The following ST3GAL1 variants were observed in gnomAD, a reference collection of about 807,000 sequenced individuals.
ST3GAL1 encodes ST3 beta-galactoside alpha-2,3-sialyltransferase 1, also known as CMP-N-acetylneuraminate-beta-galactosamide-alpha-2,3-sialyltransferase 1.
Under a neutral mutation model 34.1 loss-of-function variants are expected in ST3GAL1, and 16 were observed. The ratio of observed to expected loss-of-function variants is 0.47; its 90% confidence interval spans 0.32 to 0.71. The LOEUF (loss-of-function observed/expected upper bound fraction) is 0.71, where lower values mean the gene tolerates loss of function less well. Ranked by LOEUF, ST3GAL1 falls within the 30% of genes least tolerant of loss-of-function variation. ST3GAL1 has a pLI of 0.04. For missense variants in ST3GAL1, 353 were observed against 447.4 expected, an observed-to-expected ratio of 0.79 and a Z score of 1.90; for synonymous variants, 191 against 184.7, an observed-to-expected ratio of 1.03 and a Z score of -0.28.
chr8:133,474,858 C>A (rs753747865), intron 5 of ST3GAL1, among the ~76,000 whole-genome samples: 13 of 152,198 alleles, frequency 8.5e-5, no homozygotes, highest in Non-Finnish European at 1.3e-4. Flanking sequence ...GTCTTCAAAG[C>A]ACTTCTGTGT....
At chr8:133,549,638 T>A (rs1038206019) in intron 1 of ST3GAL1, among the ~76,000 whole-genome samples, 1 of 151,812 alleles carries the variant, frequency 6.6e-6, no homozygotes, top group East Asian at 2.0e-4. Flanking sequence ...AAATTCCAAC[T>A]GACAAGTTTG....
chr8:133,491,228 A>C (rs1816773654), intron 3 of ST3GAL1, among the ~76,000 whole-genome samples: 1 of 152,118 alleles, frequency 6.6e-6, no homozygotes, highest in African/African-American at 2.4e-5. Context: ...TAAATCCACA[A>C]ATCTTCTTAT....
At chr8:133,478,037 G>C (rs1318507024) in intron 3 of ST3GAL1, among the ~76,000 whole-genome samples, 1 of 152,180 alleles carries the variant, frequency 6.6e-6, no homozygotes, top group Non-Finnish European at 1.5e-5. Flanking sequence ...TGGAGGACAA[G>C]GTCTGAGCTC....
At chr8:133,506,693 G>A (rs1456058166) in intron 2 of ST3GAL1, among the ~76,000 whole-genome samples, 2 of 152,140 alleles carry the variant, frequency 1.3e-5, no homozygotes, top group Non-Finnish European at 2.9e-5. Context: ...GCTGAGGCAG[G>A]AGAATTGCTT....
intron 2 of ST3GAL1, among the ~76,000 whole-genome samples, chr8:133,500,261 C>A (rs527820635): frequency 3.3e-5 from 5 of 152,068 alleles, no homozygotes; most frequent in African/African-American, 4.8e-5. Context: ...CTCCCCATGC[C>A]CCATCAATAA....
chr8:133,530,760 G>A (rs996226680), intron 2 of ST3GAL1, among the ~76,000 whole-genome samples: 4 of 152,218 alleles, frequency 2.6e-5, no homozygotes, highest in African/African-American at 9.6e-5. Flanking sequence ...CATCCTGTGT[G>A]ACAGGAGGAG....
intron 2 of ST3GAL1, among the ~76,000 whole-genome samples, chr8:133,529,353 C>T (rs949461324): frequency 1.3e-5 from 2 of 152,172 alleles, no homozygotes; most frequent in Non-Finnish European, 2.9e-5. Flanking sequence ...GCCTTGGGAG[C>T]TTATAGGTCG....
At chr8:133,518,625 A>G (rs1817712341) in intron 2 of ST3GAL1, among the ~76,000 whole-genome samples, 1 of 152,202 alleles carries the variant, frequency 6.6e-6, no homozygotes, top group South Asian at 2.1e-4. Context: ...TGCAGCAAAC[A>G]CAGCCCCACC....
chr8:133,462,806 A>C (rs116746064), intron 8 of ST3GAL1, among the ~76,000 whole-genome samples: 4,098 of 152,296 alleles, frequency 0.027, 87 homozygotes, highest in African/African-American at 0.056. Context: ...AGCACAACCC[A>C]ATGCAAAGGG....
intron 3 of ST3GAL1, chr8:133,489,746 C>G (rs1816731090): frequency 6.6e-6 from 1 of 152,248 alleles, no homozygotes; most frequent in African/African-American, 2.4e-5. Flanking sequence ...AGCCAGAGGG[C>G]AAGGTCCCCT....
chr8:133,478,447 C>A (rs1051639954), intron 3 of ST3GAL1, among the ~76,000 whole-genome samples: 1 of 152,220 alleles, frequency 6.6e-6, no homozygotes, highest in African/African-American at 2.4e-5. Context: ...ACAACCCGAA[C>A]AAATGGTGCT....
In ST3GAL1 at chr8:133,570,727, C is replaced by T. The variant is rs980571147; in HGVS notation, c.-582+966G>A. Among the ~76,000 whole-genome samples the T allele has an allele frequency of 1.3e-5, 2 of 152,094 alleles. No homozygotes were observed. Among genetic ancestry groups the T allele is most frequent in the Non-Finnish European group, 2.9e-5 (2 of 68,026 alleles). ...AACACTCGCGCAGAGAAAGGAGGAGCGGAAAGTTGCGCCACCGTCCCGATT... is the reference window on the plus strand; with the variant it reads ...AACACTCGCGCAGAGAAAGGAGGAGTGGAAAGTTGCGCCACCGTCCCGATT... On this transcript the variant is annotated intron_variant, in intron 1 of 9. Coordinates refer to ENST00000522652, the MANE Select transcript of ST3GAL1 (RefSeq NM_173344.3). The surrounding 1 kb of genome is among the most constrained non-coding windows in gnomAD (Gnocchi z 5.6).
intron 1 of ST3GAL1, among the ~76,000 whole-genome samples, chr8:133,568,790 T>C (rs921735034): frequency 3.3e-5 from 5 of 152,074 alleles, no homozygotes; most frequent in Admixed American, 6.6e-5. Context: ...CTTTGGGTGG[T>C]GTCCTGGCTC....
chr8:133,520,029 G>A (rs1302877310), intron 2 of ST3GAL1, among the ~76,000 whole-genome samples: 2 of 152,138 alleles, frequency 1.3e-5, no homozygotes, highest in African/African-American at 4.8e-5. Flanking sequence ...TCATATTTTG[G>A]GACCTCTGTG....
chr8:133,535,944 T>A (rs1818299168), intron 2 of ST3GAL1, among the ~76,000 whole-genome samples: 1 of 152,308 alleles, frequency 6.6e-6, no homozygotes, highest in East Asian at 1.9e-4. Flanking sequence ...TCTACTGCAA[T>A]CCTCACTTTA....
At chr8:133,510,037 C>T (rs1466575417) in intron 2 of ST3GAL1, among the ~76,000 whole-genome samples, 1 of 134,522 alleles carries the variant, frequency 7.4e-6, no homozygotes. Flanking sequence ...CCAGCCTGGG[C>T]AACAAGAGTG....
chr8:133,566,393 GCT>G lies in ST3GAL1; in HGVS notation c.-582+5298_-582+5299del, dbSNP rs373936409. ...CAGTCAACTCCTCTGTCTCCCGTAG[GCT>G]CTGTCTTGAGGAATGCGATCACTTT... On this transcript the variant is annotated intron_variant, in intron 1 of 9. Coordinates refer to ENST00000522652, the MANE Select transcript of ST3GAL1 (RefSeq NM_173344.3). Among the ~76,000 whole-genome samples, 70 of 152,214 alleles carry G rather than the reference GCT, an allele frequency of 4.6e-4. 1 individual carries two copies. Among genetic ancestry groups the G allele is most frequent in the African/African-American group, 1.4e-3 (58 of 41,532 alleles).
intron 3 of ST3GAL1, among the ~76,000 whole-genome samples, chr8:133,479,115 T>C (rs1274840387): frequency 1.3e-5 from 2 of 152,236 alleles, no homozygotes; most frequent in Non-Finnish European, 1.5e-5. Flanking sequence ...ATTCTGCTCA[T>C]TTCTCGGGGC....
chr8:133,549,930 C>T (rs1818793989), intron 1 of ST3GAL1, among the ~76,000 whole-genome samples: 1 of 152,156 alleles, frequency 6.6e-6, no homozygotes, highest in Non-Finnish European at 1.5e-5. Flanking sequence ...CCATTGCGCT[C>T]CAGCTTGGGG....
Sources: gnomAD v4.1 joint callset for allele counts (sites outside exome capture counted in the v4.1 genomes callset) on GRCh38, gnomAD v4.1.1 for gene constraint, Gnocchi (gnomAD v3.1) non-coding constraint, MANE v1.5 for transcripts, NCBI Gene and HGNC (gene_info 2026-07-23, HGNC 2026-07-21) for gene names.